The following CACNA2D3 variants were observed in gnomAD, a reference collection of about 807,000 sequenced individuals.
CACNA2D3 encodes voltage-dependent calcium channel subunit alpha-2/delta-3.
CACNA2D3 carries 60 observed loss-of-function variants against 160.6 expected under a neutral mutation model. The observed-to-expected ratio is 0.37, with a 90% confidence interval of 0.30 to 0.46. CACNA2D3 has a LOEUF of 0.46. Ranked by LOEUF, CACNA2D3 falls within the 20% of genes least tolerant of loss-of-function variation. CACNA2D3 has a pLI of 1.00. For synonymous variants in CACNA2D3, 558 were observed against 492.9 expected (o/e 1.13, Z -1.75); for missense variants, 1,205 against 1,365.0 (o/e 0.88, Z 1.85).
At chr3:54,763,785 A>G (rs1702146425) in intron 12 of CACNA2D3, among the ~76,000 whole-genome samples, 1 of 52,510 alleles carries the variant, frequency 1.9e-5, no homozygotes, top group Admixed American at 2.9e-4. Flanking sequence ...ATGTACATAT[A>G]TATGTATATA....
intron 2 of CACNA2D3, among the ~76,000 whole-genome samples, chr3:54,146,209 G>C (rs1700027484): frequency 6.6e-6 from 1 of 152,118 alleles, no homozygotes; most frequent in South Asian, 2.1e-4. Context: ...ATGCAGTACT[G>C]CTACTCCTGG....
chr3:54,417,542 C>T (rs1421976433), intron 4 of CACNA2D3, among the ~76,000 whole-genome samples: 1 of 132,522 alleles, frequency 7.5e-6, no homozygotes, highest in Non-Finnish European at 1.6e-5. Flanking sequence ...AGGTTGTATG[C>T]TCATTCTTTT....
chr3:54,449,196 T>C (rs1220457517), intron 4 of CACNA2D3, among the ~76,000 whole-genome samples: 3 of 152,172 alleles, frequency 2.0e-5, no homozygotes, highest in Non-Finnish European at 4.4e-5. Context: ...ATACCTCTTA[T>C]AGAGTGAATG....
chr3:54,811,317 C>T (rs1016424648), intron 13 of CACNA2D3, among the ~76,000 whole-genome samples: 1 of 152,044 alleles, frequency 6.6e-6, no homozygotes, highest in African/African-American at 2.4e-5. Flanking sequence ...TCTGTTTTTG[C>T]ATTTATCAAG....
chr3:54,249,020 G>A (rs899807871), intron 2 of CACNA2D3, among the ~76,000 whole-genome samples: 1 of 152,144 alleles, frequency 6.6e-6, no homozygotes, highest in Non-Finnish European at 1.5e-5. Context: ...TTATCCTCTT[G>A]TCATGTAATG....
At chr3:54,909,005 T>G (rs1240579049) in intron 27 of CACNA2D3, among the ~76,000 whole-genome samples, 1 of 152,198 alleles carries the variant, frequency 6.6e-6, no homozygotes, top group African/African-American at 2.4e-5. Context: ...ACTCACCTAT[T>G]TAAACATGTT....
chr3:54,672,026 C>T (rs1367210212), intron 11 of CACNA2D3, among the ~76,000 whole-genome samples: 1 of 152,110 alleles, frequency 6.6e-6, no homozygotes, highest in African/African-American at 2.4e-5. Context: ...TGAAAGTTTC[C>T]CCATTGTCCT....
At chr3:55,012,070 G>A (rs912885624) in intron 34 of CACNA2D3, among the ~76,000 whole-genome samples, 3 of 152,184 alleles carry the variant, frequency 2.0e-5, no homozygotes, top group African/African-American at 4.8e-5. Context: ...CTGAGAGGCC[G>A]GAGCGGCTTT....
At chr3:54,731,035 C>T (rs993914952) in intron 11 of CACNA2D3, among the ~76,000 whole-genome samples, 2 of 152,084 alleles carry the variant, frequency 1.3e-5, no homozygotes, top group African/African-American at 4.8e-5. Flanking sequence ...ATCTACCACA[C>T]AGAACTAGGT....
intron 11 of CACNA2D3, among the ~76,000 whole-genome samples, chr3:54,670,806 G>C (rs950769894): frequency 9.2e-5 from 14 of 152,050 alleles, no homozygotes; most frequent in Non-Finnish European, 1.8e-4. Context: ...TGCTTACTTT[G>C]ATTTATGTTT....
chr3:54,369,803 C>G (rs1347699217), intron 3 of CACNA2D3, among the ~76,000 whole-genome samples: 2 of 152,164 alleles, frequency 1.3e-5, no homozygotes, highest in Non-Finnish European at 2.9e-5. Flanking sequence ...CCTTATATCC[C>G]TATAACTCAG....
intron 4 of CACNA2D3, among the ~76,000 whole-genome samples, chr3:54,422,801 A>G (rs1325200265): frequency 6.6e-6 from 1 of 152,104 alleles, no homozygotes; most frequent in South Asian, 2.1e-4. Flanking sequence ...CGAACCAGCA[A>G]CTCCACGCCT....
intron 11 of CACNA2D3, among the ~76,000 whole-genome samples, chr3:54,683,489 G>A (rs1242523578): frequency 6.6e-6 from 1 of 152,306 alleles, no homozygotes; most frequent in South Asian, 2.1e-4. Flanking sequence ...TGTGACAGTG[G>A]ACAAGCTCTC....
intron 5 of CACNA2D3, among the ~76,000 whole-genome samples, chr3:54,525,015 G>C (rs1050471982): frequency 6.6e-6 from 1 of 151,962 alleles, no homozygotes; most frequent in African/African-American, 2.4e-5. Context: ...TGTTAGCATA[G>C]CATATATTCA....
Position 54,802,591 on chromosome 3 carries a change from T to A in CACNA2D3, c.1381-14262T>A, listed in dbSNP as rs144652052. Among the ~76,000 whole-genome samples, 616 of 152,322 alleles carry A rather than the reference T, an allele frequency of 4.0e-3. 4 individuals are homozygous for A. The highest frequency in any genetic ancestry group is 0.013 in the African/African-American group (532 of 41,564). On this transcript the variant is annotated intron_variant, in intron 13 of 37. Transcript: ENST00000474759. ...GGTGTGTACCTAAGAGATACCCAGC[T>A]GCAAGTTTCTATGAAAATAGTAGTC...
chr3:54,972,565 T>C lies in CACNA2D3; in HGVS notation c.2556+2721T>C, dbSNP rs147804705. Among the ~76,000 whole-genome samples, 608 of 152,308 alleles carry C rather than the reference T, an allele frequency of 4.0e-3. 2 individuals carry two copies. Among genetic ancestry groups the C allele is most frequent in the African/African-American group, 0.014 (571 of 41,548 alleles). On this transcript the variant is annotated intron_variant, in intron 29 of 37. Transcript: ENST00000474759. The stretch of plus-strand genomic sequence containing the variant: ...TCATTAAGTTCAGTGGTCTGACTTC[T>C]CCATTGCACTTATGACCTGGCCCAA...
intron 3 of CACNA2D3, among the ~76,000 whole-genome samples, chr3:54,338,497 G>C (rs1479177546): frequency 6.6e-6 from 1 of 151,676 alleles, no homozygotes; most frequent in African/African-American, 2.4e-5. Context: ...GTGTGTGTGT[G>C]TGTGTGTGTG....
At chr3:54,441,509 T>C (rs1019992511) in intron 4 of CACNA2D3, among the ~76,000 whole-genome samples, 1 of 152,232 alleles carries the variant, frequency 6.6e-6, no homozygotes, top group African/African-American at 2.4e-5. Context: ...CATTTGTCAA[T>C]TTTGGCTTTT....
intron 31 of CACNA2D3, among the ~76,000 whole-genome samples, chr3:54,989,800 A>T (rs545545641): frequency 6.6e-6 from 1 of 152,296 alleles, no homozygotes; most frequent in South Asian, 2.1e-4. Context: ...CTTTCCACTT[A>T]GCACCAGGTA....
Sources: gnomAD v4.1 joint callset for allele counts (sites outside exome capture counted in the v4.1 genomes callset) on GRCh38, gnomAD v4.1.1 for gene constraint, MANE v1.5 for transcripts, NCBI Gene and HGNC (gene_info 2026-07-23, HGNC 2026-07-21) for gene names.